C12orf42: variants seen among roughly 807,000 people sequenced by gnomAD.
C12orf42 encodes chromosome 12 open reading frame 42.
A neutral mutation model predicts 21.6 loss-of-function variants in C12orf42; 25 were observed. The ratio of observed to expected loss-of-function variants is 1.16; its 90% CI spans 0.84 to 1.62. The LOEUF (loss-of-function observed/expected upper bound fraction) is 1.62, where lower values mean the gene tolerates loss of function less well. C12orf42 is among the 40% of genes most tolerant of loss of function. C12orf42 has a pLI of 0.00. For missense variants in C12orf42, 483 were observed against 459.3 expected (o/e 1.05, Z -0.47); for synonymous variants, 174 against 175.0 (o/e 0.99, Z 0.05).
chr12:103,448,670 A>C (rs540735014), intron 2 of C12orf42, among the ~76,000 whole-genome samples: 5 of 152,084 alleles, frequency 3.3e-5, no homozygotes, highest in Non-Finnish European at 7.4e-5. Flanking sequence ...ATTGGCCAAC[A>C]AGCATATAGA....
chr12:103,376,979 TTTAAC>T (rs2045754952), intron 3 of C12orf42, among the ~76,000 whole-genome samples: 1 of 152,102 alleles, frequency 6.6e-6, no homozygotes, highest in Non-Finnish European at 1.5e-5. Context: ...AAGGGCTTCC[TTTAAC>T]TTATCTTTTC....
At chr12:103,248,486 A>G (rs966240891) in intron 10 of C12orf42, among the ~76,000 whole-genome samples, 22 of 152,114 alleles carry the variant, frequency 1.4e-4, no homozygotes, top group African/African-American at 5.3e-4. Context: ...TTCTATGTGA[A>G]GAAAACGTTT....
chr12:103,134,156 T>TA, the C12orf42 span, among the ~76,000 whole-genome samples: 1 of 152,164 alleles, frequency 6.6e-6, no homozygotes, highest in Non-Finnish European at 1.5e-5. Context: ...AAGTGACTGT[T>TA]ATACCTGAGT....
At chr12:103,166,169 C>T in the C12orf42 span, among the ~76,000 whole-genome samples, 1 of 152,024 alleles carries the variant, frequency 6.6e-6, no homozygotes, top group Non-Finnish European at 1.5e-5. Context: ...ATCCTAGCTC[C>T]CAGCAAGGAC....
the C12orf42 span, among the ~76,000 whole-genome samples, chr12:103,510,079 C>A: frequency 0.011 from 1,681 of 152,226 alleles, 24 homozygotes; most frequent in Middle Eastern, 0.017. Context: ...GCACAATTTG[C>A]AATTGCAAAA....
At chr12:103,461,127 A>C (rs1952672017) in intron 2 of C12orf42, among the ~76,000 whole-genome samples, 1 of 152,162 alleles carries the variant, frequency 6.6e-6, no homozygotes, top group South Asian at 2.1e-4. Context: ...AAATTTTTGG[A>C]CCCCATTTAT....
At chr12:103,414,258 T>C (rs778908260) in intron 2 of C12orf42, among the ~76,000 whole-genome samples, 1 of 152,230 alleles carries the variant, frequency 6.6e-6, no homozygotes, top group Non-Finnish European at 1.5e-5. Context: ...TCTTTTCATA[T>C]GTTTGTTGGC....
At chr12:103,175,911 C>G in the C12orf42 span, among the ~76,000 whole-genome samples, 1 of 152,180 alleles carries the variant, frequency 6.6e-6, no homozygotes, top group Non-Finnish European at 1.5e-5. Flanking sequence ...TGGCACATTT[C>G]CCCATGATTA....
At chr12:103,228,598 G>T in the C12orf42 span, among the ~76,000 whole-genome samples, 1 of 152,104 alleles carries the variant, frequency 6.6e-6, no homozygotes. Flanking sequence ...ATCTCATCAG[G>T]GCCTTGCAGG....
chr12:103,331,884 G>A (rs2041268038), intron 4 of C12orf42, among the ~76,000 whole-genome samples: 1 of 152,176 alleles, frequency 6.6e-6, no homozygotes, highest in African/African-American at 2.4e-5. Context: ...CAGGAAGCAT[G>A]AACTCCTATG....
chr12:103,553,745 T>C, the C12orf42 span, among the ~76,000 whole-genome samples: 1 of 152,124 alleles, frequency 6.6e-6, no homozygotes, highest in Admixed American at 6.6e-5. Flanking sequence ...TTTTAGTAAG[T>C]GCCCAGATGG....
chr12:103,370,120 A>C lies in C12orf42; in HGVS notation c.148-1122T>G, dbSNP rs146547252. Reference sequence around the variant, plus strand: ...AAGACATACATGTGGCCAACAAGCAAATGAAAAAATGCTCAACATCACTAA... The same window carrying C: ...AAGACATACATGTGGCCAACAAGCACATGAAAAAATGCTCAACATCACTAA... On this transcript the variant is annotated intron_variant, in intron 3 of 5. Transcript: ENST00000548883. Among the ~76,000 whole-genome samples, 500 of 152,236 alleles carry C rather than the reference A, an allele frequency of 3.3e-3. 3 individuals are homozygous for C. The highest frequency in any genetic ancestry group is 0.011 in the African/African-American group (474 of 41,568).
the C12orf42 span, chr12:103,164,715 A>G: frequency 2.2e-6 from 1 of 455,600 alleles, no homozygotes; most frequent in Non-Finnish European, 4.4e-6. Flanking sequence ...GAGAGCGGAA[A>G]CCATGATGAA....
intron 4 of C12orf42, among the ~76,000 whole-genome samples, chr12:103,334,509 G>A (rs747530996): frequency 1.6e-4 from 25 of 151,966 alleles, no homozygotes; most frequent in Admixed American, 4.6e-4. Context: ...TCAAAATTAC[G>A]CTGTGGCTTT....
At chr12:103,122,877 G>A in the C12orf42 span, among the ~76,000 whole-genome samples, 1 of 152,150 alleles carries the variant, frequency 6.6e-6, no homozygotes, top group East Asian at 1.9e-4. Flanking sequence ...ATCCTAGCAG[G>A]ATATCAGTCT....
the C12orf42 span, among the ~76,000 whole-genome samples, chr12:103,215,302 A>G: frequency 2.6e-4 from 39 of 152,016 alleles, no homozygotes; most frequent in African/African-American, 8.4e-4. Context: ...AAATACATAT[A>G]TTAATATTAA....
chr12:103,145,404 T>C, the C12orf42 span, among the ~76,000 whole-genome samples: 324 of 152,332 alleles, frequency 2.1e-3, 4 homozygotes, highest in East Asian at 0.035. Context: ...CAGGCTCACC[T>C]TCATCACTTT....
intron 4 of C12orf42, among the ~76,000 whole-genome samples, chr12:103,334,301 A>C (rs2041496925): frequency 6.6e-6 from 1 of 152,196 alleles, no homozygotes; most frequent in Non-Finnish European, 1.5e-5. Flanking sequence ...ATTTACAAAC[A>C]GGAAGAGAAC....
chr12:103,362,290 C>T (rs1232744633), intron 4 of C12orf42, among the ~76,000 whole-genome samples: 3 of 152,036 alleles, frequency 2.0e-5, no homozygotes, highest in African/African-American at 4.8e-5. Context: ...CAGGAAGCCA[C>T]ATTGCCAGGA....
Sources: allele counts gnomAD v4.1 joint callset (sites outside exome capture counted in the v4.1 genomes callset), GRCh38; gene constraint gnomAD v4.1.1; transcripts MANE v1.5; gene names NCBI Gene and HGNC (gene_info 2026-07-23, HGNC 2026-07-21).